MAGI2: variants seen among roughly 807,000 people sequenced by gnomAD.
MAGI2 encodes the protein membrane-associated guanylate kinase, WW and PDZ domain-containing protein 2.
Under a neutral mutation model 133.3 loss-of-function variants are expected in MAGI2, and 35 were observed. The ratio of observed to expected loss-of-function variants is 0.26; its 90% CI spans 0.20 to 0.35. The LOEUF is 0.35. Among genes scored for constraint, MAGI2 ranks in the 10% least tolerant of loss-of-function variants. The pLI is 1.00. For missense variants in MAGI2, 1,636 were observed against 1,863.4 expected, an observed-to-expected ratio of 0.88 and a Z score of 2.25; for synonymous variants, 729 against 710.6, an observed-to-expected ratio of 1.03 and a Z score of -0.41.
At chr7:79,418,863 A>ACG in intron 1 of MAGI2, among the ~76,000 whole-genome samples, 1 of 79,870 alleles carries the variant, frequency 1.3e-5, no homozygotes, top group Non-Finnish European at 2.2e-5. Context: ...ACACACACAC[A>ACG]CACACGCACA....
At position 78,624,916 on chromosome 7, in the gene MAGI2, T is replaced by C. The variant is rs183217922; in HGVS notation, c.538+2204A>G. Among the ~76,000 whole-genome samples the C allele has an allele frequency of 2.5e-3, 388 of 152,260 alleles. 1 individual carries two copies. The highest frequency in any genetic ancestry group is 8.8e-3 in the African/African-American group (364 of 41,562). On this transcript the variant is annotated intron_variant, in intron 3 of 21. Coordinates refer to ENST00000354212, the MANE Select transcript of MAGI2 (RefSeq NM_012301.4). ...ATTTTAGGAGTGTATTCCTTCTACT[T>C]ATTAAAAAACGTTAACTGTTAAACA... is the stretch of plus-strand genomic sequence containing the variant.
At chr7:78,575,253 A>G (rs907035344) in intron 3 of MAGI2, among the ~76,000 whole-genome samples, 8 of 152,290 alleles carry the variant, frequency 5.3e-5, no homozygotes, top group Middle Eastern at 3.4e-3. Flanking sequence ...AAAAAATAAT[A>G]AAGTATTGGA....
intron 1 of MAGI2, among the ~76,000 whole-genome samples, chr7:79,360,860 G>T (rs538863655): frequency 6.6e-6 from 1 of 152,222 alleles, no homozygotes; most frequent in Non-Finnish European, 1.5e-5. Context: ...TAAGGTGGTA[G>T]ATTTAAATGC....
At chr7:78,523,388 AG>A (rs1796679545) in intron 3 of MAGI2, among the ~76,000 whole-genome samples, 1 of 152,128 alleles carries the variant, frequency 6.6e-6, no homozygotes, top group Non-Finnish European at 1.5e-5. Context: ...CTGAGGCAGG[AG>A]AATGGCGTGA....
chr7:78,128,831 A>G (rs1045288287), intron 18 of MAGI2, among the ~76,000 whole-genome samples: 17 of 152,208 alleles, frequency 1.1e-4, no homozygotes, highest in African/African-American at 4.1e-4. Flanking sequence ...TATGAGGTGC[A>G]TAATTTCGGC....
intron 1 of MAGI2, among the ~76,000 whole-genome samples, chr7:79,260,138 G>T (rs1833970731): frequency 6.6e-6 from 1 of 152,172 alleles, no homozygotes; most frequent in South Asian, 2.1e-4. Context: ...TGGATCGCTT[G>T]AACTCAGGAG....
rs192546693 is a variant in MAGI2 at position 78,825,247 on chromosome 7, T to C, written c.418+181843A>G. Among the ~76,000 whole-genome samples, 1,063 of 152,174 alleles carry C rather than the reference T, an allele frequency of 7.0e-3. 14 individuals are homozygous for C. The highest frequency in any genetic ancestry group is 0.025 in the African/African-American group (1,019 of 41,512). ...TGCATATGTATCCCAGAACTTAAAG[T>C]AAAATTAAAAAGAAATAAATAAATA... On this transcript the variant is annotated intron_variant, in intron 2 of 21. Coordinates refer to ENST00000354212, the MANE Select transcript of MAGI2 (RefSeq NM_012301.4).
intron 2 of MAGI2, chr7:79,000,077 G>T (rs1040710002): frequency 6.6e-6 from 1 of 152,196 alleles, no homozygotes; most frequent in Non-Finnish European, 1.5e-5. Context: ...TGGGTTGAAA[G>T]TTGTAGTTTG....
intron 9 of MAGI2, among the ~76,000 whole-genome samples, chr7:78,333,754 C>A (rs1401939813): frequency 2.6e-5 from 4 of 152,206 alleles, no homozygotes; most frequent in Admixed American, 2.6e-4. Flanking sequence ...GTGAGTGAAG[C>A]CGCCCTGCGC....
At chr7:79,168,483 T>C (rs1825163727) in intron 1 of MAGI2, among the ~76,000 whole-genome samples, 1 of 152,114 alleles carries the variant, frequency 6.6e-6, no homozygotes, top group African/African-American at 2.4e-5. Context: ...TATTTCCTAA[T>C]TGTCCCTGAA....
chr7:78,120,075 C>T (rs149722359), intron 20 of MAGI2, among the ~76,000 whole-genome samples: 284 of 152,250 alleles, frequency 1.9e-3, no homozygotes, highest in Non-Finnish European at 3.5e-3. Context: ...GGATTTCAAG[C>T]AATTCCAATA....
At chr7:78,202,289 T>C (rs1232499465) in intron 10 of MAGI2, among the ~76,000 whole-genome samples, 1 of 152,132 alleles carries the variant, frequency 6.6e-6, no homozygotes, top group African/African-American at 2.4e-5. Flanking sequence ...TCGGGACACA[T>C]AGTTACCTAC....
chr7:78,565,027 T>C (rs1472737876), intron 3 of MAGI2, among the ~76,000 whole-genome samples: 2 of 151,972 alleles, frequency 1.3e-5, no homozygotes, highest in African/African-American at 2.4e-5. Context: ...TCTCCTGACC[T>C]TGTGATCCGT....
chr7:78,962,955 T>C (rs1253663498), intron 2 of MAGI2, among the ~76,000 whole-genome samples: 3 of 152,110 alleles, frequency 2.0e-5, no homozygotes, highest in Non-Finnish European at 4.4e-5. Flanking sequence ...GTTTTAAGTC[T>C]TTAGTTCCCT....
chr7:78,943,623 C>T (rs1372537759), intron 2 of MAGI2, among the ~76,000 whole-genome samples: 1 of 151,900 alleles, frequency 6.6e-6, no homozygotes, highest in Non-Finnish European at 1.5e-5. Context: ...AGATTAGGAA[C>T]AGAGAACATT....
In MAGI2 at chr7:79,244,699, A is replaced by G. The variant is rs146645571; in HGVS notation, c.301+208321T>C. Among the ~76,000 whole-genome samples, 62 of 152,314 alleles carry G rather than the reference A, an allele frequency of 4.1e-4. 1 individual carries two copies. Among genetic ancestry groups the G allele is most frequent in the African/African-American group, 1.4e-3 (57 of 41,594 alleles). ...TCAAGGCCACAAGACTGCAATTCTTAGACAAGTACTGGTGATGTGTTGGGC... is the reference window on the plus strand; with the variant it reads ...TCAAGGCCACAAGACTGCAATTCTTGGACAAGTACTGGTGATGTGTTGGGC... On this transcript the variant is annotated intron_variant, in intron 1 of 21. Coordinates refer to ENST00000354212, the MANE Select transcript of MAGI2 (RefSeq NM_012301.4).
chr7:78,917,491 T>C (rs368424894), intron 2 of MAGI2, among the ~76,000 whole-genome samples: 2 of 152,086 alleles, frequency 1.3e-5, no homozygotes, highest in Non-Finnish European at 2.9e-5. Context: ...AAATTGTCCT[T>C]GTGATGTCTA....
intron 2 of MAGI2, among the ~76,000 whole-genome samples, chr7:78,964,920 T>C (rs1803173815): frequency 6.6e-6 from 1 of 151,956 alleles, no homozygotes; most frequent in Admixed American, 6.6e-5. Context: ...TCTTTGATTC[T>C]GGAGTAAAGG....
intron 2 of MAGI2, among the ~76,000 whole-genome samples, chr7:78,667,887 C>G (rs753944773): frequency 6.6e-6 from 1 of 152,094 alleles, no homozygotes; most frequent in Admixed American, 6.6e-5. Flanking sequence ...ATGATTTATA[C>G]TCCTTTGGGT....
Sources: allele counts gnomAD v4.1 joint callset (sites outside exome capture counted in the v4.1 genomes callset), GRCh38; gene constraint gnomAD v4.1.1; transcripts MANE v1.5; gene names NCBI Gene and HGNC (gene_info 2026-07-23, HGNC 2026-07-21).